Variants in CNTN5 observed in about 807,000 individuals in gnomAD.
CNTN5 encodes the protein contactin-5.
Under a neutral mutation model 129.1 loss-of-function variants are expected in CNTN5, and 77 were observed. The observed-to-expected ratio is 0.60, with a 90% CI of 0.50 to 0.72. CNTN5 has a LOEUF of 0.72. Ranked by LOEUF, CNTN5 falls within the 30% of genes least tolerant of loss-of-function variation. The pLI is 0.00. For synonymous variants in CNTN5, 509 were observed against 465.6 expected (o/e 1.09, Z -1.20); for missense variants, 1,478 against 1,328.8 (o/e 1.11, Z -1.75).
Position 99,382,388 on chromosome 11 carries a change from C to T in CNTN5, c.-71+56904C>T, listed in dbSNP as rs11219702. Among the ~76,000 whole-genome samples, 1,352 of 152,164 alleles carry T rather than the reference C, an allele frequency of 8.9e-3. 78 individuals carry two copies. The East Asian group carries it at 0.14, about 16-fold the overall frequency. On this transcript the variant is annotated intron_variant, in intron 2 of 24. Coordinates refer to ENST00000524871, the MANE Select transcript of CNTN5 (RefSeq NM_014361.4). ...ATGGGGAAGCACGGACAGATGCAGA[C>T]GCAGAGAGAAAAGTGAAAATATCAT...
At chr11:99,054,903 G>A (rs1477524168) in intron 1 of CNTN5, among the ~76,000 whole-genome samples, 1 of 151,946 alleles carries the variant, frequency 6.6e-6, no homozygotes, top group African/African-American at 2.4e-5. Flanking sequence ...TAGGAAGTTC[G>A]TTAAACAAAA....
chr11:99,546,799 A>T (rs1948308440), intron 2 of CNTN5, among the ~76,000 whole-genome samples: 1 of 152,070 alleles, frequency 6.6e-6, no homozygotes, highest in South Asian at 2.1e-4. Flanking sequence ...CTTTGCACTC[A>T]TGATGGCCTT....
At chr11:99,276,858 A>G (rs1399532762) in intron 1 of CNTN5, among the ~76,000 whole-genome samples, 2 of 151,610 alleles carry the variant, frequency 1.3e-5, no homozygotes, top group Non-Finnish European at 3.0e-5. Flanking sequence ...AAGTATTTCT[A>G]ATTTTCTCCT....
intron 1 of CNTN5, among the ~76,000 whole-genome samples, chr11:99,117,318 AAC>A (rs1858088961): frequency 1.3e-5 from 2 of 152,152 alleles, no homozygotes; most frequent in South Asian, 4.1e-4. Flanking sequence ...CAGATTAAGA[AAC>A]AGAGTATTGC....
At chr11:100,089,709 G>T (rs1591218415) in intron 13 of CNTN5, among the ~76,000 whole-genome samples, 1 of 152,140 alleles carries the variant, frequency 6.6e-6, no homozygotes, top group Non-Finnish European at 1.5e-5. Flanking sequence ...GGAATACTAT[G>T]AAGCCATAGA....
chr11:99,556,593 A>ATATATATATC (rs1555026456), intron 3 of CNTN5, among the ~76,000 whole-genome samples: 2 of 135,338 alleles, frequency 1.5e-5, no homozygotes, highest in African/African-American at 5.4e-5. Flanking sequence ...ATATATATAT[A>ATATATATATC]TCTCCCACAC....
intron 16 of CNTN5, among the ~76,000 whole-genome samples, chr11:100,237,243 C>T (rs1565363247): frequency 6.7e-6 from 1 of 149,744 alleles, no homozygotes; most frequent in Non-Finnish European, 1.5e-5. Flanking sequence ...GTAGAAGTTA[C>T]TCTGAAAGGC....
chr11:100,335,605 T>A (rs1296546457), intron 21 of CNTN5, among the ~76,000 whole-genome samples: 2 of 151,982 alleles, frequency 1.3e-5, no homozygotes, highest in African/African-American at 2.4e-5. Context: ...TCGTCTCTAT[T>A]AAAAATACAA....
intron 2 of CNTN5, among the ~76,000 whole-genome samples, chr11:99,523,523 C>A (rs192661335): frequency 6.6e-6 from 1 of 151,652 alleles, no homozygotes; most frequent in African/African-American, 2.4e-5. Context: ...TGAGCCCTGG[C>A]GATGGAGGTA....
chr11:100,190,916 C>T (rs1948464971), intron 13 of CNTN5, among the ~76,000 whole-genome samples: 1 of 151,972 alleles, frequency 6.6e-6, no homozygotes. Context: ...TCTTGTTACT[C>T]CTTAACCTTT....
chr11:99,151,943 A>C (rs564377481), intron 1 of CNTN5, among the ~76,000 whole-genome samples: 18 of 152,244 alleles, frequency 1.2e-4, no homozygotes, highest in African/African-American at 4.1e-4. Context: ...TGGGTGCAGC[A>C]AACCCCCATG....
chr11:99,792,573 G>GTGTGTGTCTGTCTGTC (rs34622017), intron 3 of CNTN5, among the ~76,000 whole-genome samples: 17 of 116,684 alleles, frequency 1.5e-4, no homozygotes, highest in African/African-American at 6.2e-4. Flanking sequence ...GTGTGTGTGT[G>GTGTGTGTCTGTCTGTC]TGTCTGTCTG....
chr11:99,575,577 T>C (rs932774607), intron 3 of CNTN5, among the ~76,000 whole-genome samples: 1 of 152,188 alleles, frequency 6.6e-6, no homozygotes, highest in Non-Finnish European at 1.5e-5. Flanking sequence ...CGTAAGAGCA[T>C]AGAAACTAGA....
intron 16 of CNTN5, among the ~76,000 whole-genome samples, chr11:100,229,187 T>C (rs999770856): frequency 1.4e-5 from 2 of 143,058 alleles, no homozygotes; most frequent in African/African-American, 4.9e-5. Context: ...CAGCAGTTTA[T>C]TAGCTTTTTA....
chr11:99,659,953 G>C (rs1322184431), intron 3 of CNTN5, among the ~76,000 whole-genome samples: 1 of 152,110 alleles, frequency 6.6e-6, no homozygotes, highest in Admixed American at 6.6e-5. Flanking sequence ...CATGTGGGCA[G>C]CTGACCTTTT....
At chr11:99,775,792 C>T (rs1363838898) in intron 3 of CNTN5, among the ~76,000 whole-genome samples, 2 of 140,898 alleles carry the variant, frequency 1.4e-5, no homozygotes, top group Non-Finnish European at 3.3e-5. Flanking sequence ...ACTTTATATA[C>T]GATCTTGATT....
chr11:100,004,050 A>G (rs910545490), intron 9 of CNTN5: 2 of 152,106 alleles, frequency 1.3e-5, no homozygotes, highest in African/African-American at 2.4e-5. Context: ...ATTTCATCCC[A>G]ACATAATCAC....
At chr11:99,706,840 CTTT>C (rs11451959) in intron 3 of CNTN5, among the ~76,000 whole-genome samples, 5 of 139,614 alleles carry the variant, frequency 3.6e-5, no homozygotes, top group East Asian at 2.1e-4. Context: ...TGTGTCTGGT[CTTT>C]TTTTTTTTTT....
chr11:100,215,183 T>C (rs1254884096), intron 15 of CNTN5, among the ~76,000 whole-genome samples: 2 of 152,208 alleles, frequency 1.3e-5, no homozygotes, highest in Non-Finnish European at 2.9e-5. Flanking sequence ...CATGACAGTC[T>C]GAATGTAGTA....
Sources: gnomAD v4.1 joint callset for allele counts (sites outside exome capture counted in the v4.1 genomes callset) on GRCh38, gnomAD v4.1.1 for gene constraint, MANE v1.5 for transcripts, NCBI Gene and HGNC (gene_info 2026-07-23, HGNC 2026-07-21) for gene names.